SRBD1: variants seen among roughly 807,000 people sequenced by gnomAD.
The protein encoded by SRBD1 is S1 RNA-binding domain-containing protein 1.
A neutral mutation model predicts 115.3 loss-of-function variants in SRBD1; 88 were observed. That is an observed-to-expected ratio of 0.76 (90% CI 0.64 to 0.91). SRBD1 has a LOEUF of 0.91. Ranked by LOEUF, SRBD1 falls within the 40% of genes least tolerant of loss-of-function variation. SRBD1 has a pLI of 0.00. For missense variants in SRBD1, 1,385 were observed against 1,177.4 expected (o/e 1.18, Z -2.58); for synonymous variants, 509 against 407.7 (o/e 1.25, Z -2.99).
chr2:45,575,288 G>C (rs1462329664), intron 7 of SRBD1, among the ~76,000 whole-genome samples: 1 of 152,126 alleles, frequency 6.6e-6, no homozygotes, highest in African/African-American at 2.4e-5. Context: ...TCATGCAGTT[G>C]TTCCTCTTCA....
At chr2:45,517,571 A>G (rs758423375) in intron 14 of SRBD1, among the ~76,000 whole-genome samples, 2 of 152,234 alleles carry the variant, frequency 1.3e-5, no homozygotes, top group Non-Finnish European at 2.9e-5. Context: ...TTTCCCGTTA[A>G]TCCTAAGTAA....
At chr2:45,417,663 C>A (rs968329631) in intron 18 of SRBD1, among the ~76,000 whole-genome samples, 14 of 152,316 alleles carry the variant, frequency 9.2e-5, no homozygotes, top group Middle Eastern at 6.8e-3. Flanking sequence ...GTTTATCTAA[C>A]AAGCTTTTGT....
At chr2:45,390,122 A>G (rs1398778979) in intron 20 of SRBD1, among the ~76,000 whole-genome samples, 2 of 152,224 alleles carry the variant, frequency 1.3e-5, no homozygotes, top group African/African-American at 2.4e-5. Context: ...TTTGGAACTC[A>G]GAAAATCAAT....
chr2:45,394,765 T>A (rs1228975995), intron 19 of SRBD1, among the ~76,000 whole-genome samples: 2 of 152,216 alleles, frequency 1.3e-5, no homozygotes, highest in East Asian at 3.8e-4. Context: ...GCCATATATA[T>A]GGCCAAAAAT....
At chr2:45,407,683 G>C (rs1667477325) in intron 19 of SRBD1, among the ~76,000 whole-genome samples, 1 of 152,124 alleles carries the variant, frequency 6.6e-6, no homozygotes, top group Admixed American at 6.6e-5. Flanking sequence ...ACTCATCTTA[G>C]AGATGAGGGA....
chr2:45,501,376 G>A (rs1047480289), intron 14 of SRBD1, among the ~76,000 whole-genome samples: 3 of 152,200 alleles, frequency 2.0e-5, no homozygotes, highest in Non-Finnish European at 4.4e-5. Flanking sequence ...CCCTGCGTGA[G>A]CGACACAGAA....
At chr2:45,518,275 C>A (rs1220385229) in intron 14 of SRBD1, among the ~76,000 whole-genome samples, 1 of 152,148 alleles carries the variant, frequency 6.6e-6, no homozygotes, top group Non-Finnish European at 1.5e-5. Context: ...TATGTGGAAA[C>A]CAGATATCTG....
intron 16 of SRBD1, among the ~76,000 whole-genome samples, chr2:45,440,994 C>T (rs930210550): frequency 1.3e-5 from 2 of 152,160 alleles, no homozygotes; most frequent in African/African-American, 4.8e-5. Flanking sequence ...AGGCTCTTTC[C>T]TAATGTTTCC....
intron 16 of SRBD1, among the ~76,000 whole-genome samples, chr2:45,421,766 A>G (rs1572622922): frequency 1.3e-5 from 2 of 152,156 alleles, no homozygotes; most frequent in Non-Finnish European, 2.9e-5. Flanking sequence ...TTACCATTTA[A>G]TAACAGCAGA....
chr2:45,559,721 T>A (rs1170997240), intron 10 of SRBD1, among the ~76,000 whole-genome samples: 1 of 152,196 alleles, frequency 6.6e-6, no homozygotes, highest in East Asian at 1.9e-4. Flanking sequence ...AAAGTTCTTT[T>A]GAGAATAATT....
chr2:45,406,201 A>C (rs1340963106), intron 19 of SRBD1, among the ~76,000 whole-genome samples: 2 of 152,120 alleles, frequency 1.3e-5, no homozygotes, highest in Non-Finnish European at 2.9e-5. Flanking sequence ...GGCAGAAGTC[A>C]GGGTGGGGAA....
intron 14 of SRBD1, among the ~76,000 whole-genome samples, chr2:45,513,824 A>G (rs1671043899): frequency 6.6e-6 from 1 of 152,272 alleles, no homozygotes; most frequent in South Asian, 2.1e-4. Context: ...TTGTCTCCTC[A>G]ACCAAAGATA....
intron 6 of SRBD1, among the ~76,000 whole-genome samples, 175 bp from the exon 7 acceptor site, chr2:45,580,188 G>A (rs527694049): frequency 1.1e-3 from 170 of 152,184 alleles, no homozygotes; most frequent in Non-Finnish European, 2.0e-3. Context: ...GTATGAAGAT[G>A]GTATGTGCTT....
intron 1 of SRBD1, among the ~76,000 whole-genome samples, chr2:45,609,537 T>A (rs1157175343): frequency 2.6e-5 from 4 of 152,174 alleles, no homozygotes; most frequent in Admixed American, 2.6e-4. Flanking sequence ...TCACTTAGAA[T>A]CAAGCCACAT....
chr2:45,584,765 C>A (rs1262538177), intron 5 of SRBD1, among the ~76,000 whole-genome samples: 2 of 152,158 alleles, frequency 1.3e-5, no homozygotes, highest in African/African-American at 4.8e-5. Context: ...GCAGTGAGTC[C>A]AGAGGCATAA....
chr2:45,472,934 C>T (rs1398261515), intron 16 of SRBD1, among the ~76,000 whole-genome samples: 3 of 148,248 alleles, frequency 2.0e-5, no homozygotes, highest in Admixed American at 1.4e-4. Context: ...ATATTTTAAT[C>T]CAAATCTTTA....
chr2:45,506,698 T>C (rs1558441442), intron 14 of SRBD1, among the ~76,000 whole-genome samples: 1 of 152,292 alleles, frequency 6.6e-6, no homozygotes, highest in East Asian at 1.9e-4. Context: ...CCAATTAAAA[T>C]ATACAGCATG....
chr2:45,504,131 A>T (rs1221768625), intron 14 of SRBD1, among the ~76,000 whole-genome samples: 1 of 152,178 alleles, frequency 6.6e-6, no homozygotes, highest in Non-Finnish European at 1.5e-5. Context: ...TAATTGCTCA[A>T]GATGGATTTT....
chr2:45,565,868 C>T (rs572809867), intron 9 of SRBD1, among the ~76,000 whole-genome samples: 4 of 152,302 alleles, frequency 2.6e-5, no homozygotes, highest in East Asian at 3.9e-4. Flanking sequence ...TCAGGCGATC[C>T]GCCTGCCTCA....
Sources: gnomAD v4.1 joint callset for allele counts (sites outside exome capture counted in the v4.1 genomes callset) on GRCh38, gnomAD v4.1.1 for gene constraint, MANE v1.5 for transcripts, NCBI Gene and HGNC (gene_info 2026-07-23, HGNC 2026-07-21) for gene names.